The following HOPX variants were observed in gnomAD, a reference collection of about 807,000 sequenced individuals.
The protein encoded by HOPX is HOP homeobox, also known as homeodomain-only protein.
A neutral mutation model predicts 11.8 loss-of-function variants in HOPX; 5 were observed. That is an observed-to-expected ratio of 0.43 (90% CI 0.22 to 0.89). The LOEUF is 0.89. HOPX is among the 40% of genes least tolerant of loss of function. HOPX has a pLI of 0.28. For missense variants in HOPX, 119 were observed against 120.0 expected (o/e 0.99, Z 0.04); for synonymous variants, 49 against 49.7 (o/e 0.99, Z 0.06).
intron 1 of HOPX, chr4:56,659,545 GGAGAGAGA>G (rs375400105): frequency 7.3e-5 from 11 of 149,736 alleles, no homozygotes; most frequent in Admixed American, 7.3e-4. Context: ...AGAGCTGGAA[GGAGAGAGA>G]GAGAGAGAGA....
At chr4:56,654,936 G>A (rs922048031) in intron 3 of HOPX, among the ~76,000 whole-genome samples, 1 of 152,168 alleles carries the variant, frequency 6.6e-6, no homozygotes, top group Non-Finnish European at 1.5e-5. Context: ...TCATGCAAAA[G>A]GATTGTCTTT....
At chr4:56,656,969 C>T (rs541755290) in intron 2 of HOPX, among the ~76,000 whole-genome samples, 10 of 152,108 alleles carry the variant, frequency 6.6e-5, no homozygotes, top group Non-Finnish European at 1.5e-4. Context: ...TCAGACTTCC[C>T]TGTGATTGTA....
rs1560364059 is a variant in HOPX at position 56,655,902 on chromosome 4, C to T, written c.153G>A (p.Leu51=). ...GGCCTGCCTCGGCCGCGATGAGGCACAGCGTGGTGGAATCCGGGTGCTTGT... is the reference window on the plus strand; with the variant it reads ...GGCCTGCCTCGGCCGCGATGAGGCATAGCGTGGTGGAATCCGGGTGCTTGT... ...KVDKHPDSTT[L]CLIAAEAGLS... is the part of the protein sequence containing the mutation. Residue 51 remains leucine, a synonymous_variant, in exon 3 of 4, where the codon CTG becomes CTA. Transcript: ENST00000420433. 1 of 1,612,020 alleles carries T rather than the reference C, an allele frequency of 6.2e-7. No homozygotes were observed. Among genetic ancestry groups the T allele is most frequent in the Admixed American group, 1.7e-5 (1 of 59,856 alleles).
intron 1 of HOPX, among the ~76,000 whole-genome samples, chr4:56,658,791 ATTG>A (rs1717934653): frequency 6.6e-6 from 1 of 152,224 alleles, no homozygotes; most frequent in Non-Finnish European, 1.5e-5. Context: ...CACAAGTTTT[ATTG>A]TTGTGGCTAT....
chr4:56,661,515 A>G (rs1425776532), intron 1 of HOPX, among the ~76,000 whole-genome samples: 1 of 152,184 alleles, frequency 6.6e-6, no homozygotes, highest in African/African-American at 2.4e-5. Flanking sequence ...TTAGCTTTAC[A>G]ATATAACGTC....
chr4:56,655,847 G>A lies in HOPX; in HGVS notation c.198+10C>T, dbSNP rs1252113582. ...GGGTCGGGGCGCGCTGGGCGCGTGT[G>A]GGGACGCACCTGGGTCTCCTCCTCG... On this transcript the variant is annotated intron_variant, in intron 3 of 3. Coordinates refer to ENST00000420433, the MANE Select transcript of HOPX (RefSeq NM_032495.6). 3.1e-6 allele frequency: 5 copies of A among 1,609,482 alleles called. No individual in the cohort carries two copies. The highest frequency in any genetic ancestry group is 4.2e-6 in the Non-Finnish European group (5 of 1,178,134).
intron 1 of HOPX, among the ~76,000 whole-genome samples, chr4:56,666,610 T>A (rs1718454790): frequency 6.6e-6 from 1 of 152,212 alleles, no homozygotes; most frequent in African/African-American, 2.4e-5. Context: ...GGGGAAACAG[T>A]GAAAGATGCT....
chr4:56,676,701 C>G (rs1175960932), intron 1 of HOPX: 1 of 151,762 alleles, frequency 6.6e-6, no homozygotes, highest in African/African-American at 2.4e-5. Context: ...CCCAGGGACT[C>G]AAGATGGAGC....
chr4:56,655,617 T>C (rs1372004691), intron 3 of HOPX, among the ~76,000 whole-genome samples: 1 of 151,796 alleles, frequency 6.6e-6, no homozygotes, highest in Non-Finnish European at 1.5e-5. Flanking sequence ...TCTGCGCAGC[T>C]CCCGGGGAAC....
At chr4:56,678,602 T>A (rs1277512213) in intron 1 of HOPX, among the ~76,000 whole-genome samples, 1 of 151,786 alleles carries the variant, frequency 6.6e-6, no homozygotes, top group African/African-American at 2.4e-5. Context: ...CTCACCACAA[T>A]GCCCAGAATA....
chr4:56,660,993 C>T (rs1718085458), intron 1 of HOPX, among the ~76,000 whole-genome samples: 1 of 152,056 alleles, frequency 6.6e-6, no homozygotes, highest in Non-Finnish European at 1.5e-5. Flanking sequence ...TCGCTGTCAC[C>T]CTCAGGTTGG....
chr4:56,663,461 A>G (rs910211224), intron 1 of HOPX: 3 of 152,038 alleles, frequency 2.0e-5, no homozygotes, highest in Admixed American at 2.0e-4. Context: ...GCCTTTTGAA[A>G]TTTTTCAGTT....
chr4:56,666,922 A>G (rs1718470392), intron 1 of HOPX, among the ~76,000 whole-genome samples: 1 of 152,254 alleles, frequency 6.6e-6, no homozygotes. Context: ...GGAAAAAAGT[A>G]TAAAATAATC....
intron 1 of HOPX, among the ~76,000 whole-genome samples, chr4:56,677,835 T>C (rs1427375479): frequency 3.3e-5 from 5 of 151,668 alleles, no homozygotes; most frequent in African/African-American, 9.8e-5. Context: ...GACTGCCAGA[T>C]AGACTCATCC....
intron 2 of HOPX, 56 bp downstream of exon 2, chr4:56,657,719 C>A: frequency 1.3e-6 from 1 of 756,028 alleles, no homozygotes; most frequent in South Asian, 1.5e-5. Context: ...TGTGTGCACC[C>A]ATTGCCCGTA....
At chr4:56,658,019 C>T in intron 1 of HOPX, 120 bp from the exon 2 acceptor site, 1 of 760,464 alleles carries the variant, frequency 1.3e-6, no homozygotes, top group Non-Finnish European at 2.0e-6. Flanking sequence ...CCACGGGAAC[C>T]ACCCACCACT....
At chr4:56,666,238 A>T (rs1410856136) in intron 1 of HOPX, among the ~76,000 whole-genome samples, 1 of 152,248 alleles carries the variant, frequency 6.6e-6, no homozygotes, top group Non-Finnish European at 1.5e-5. Flanking sequence ...TATGTGAGTA[A>T]TATAGAATAC....
chr4:56,666,686 A>G (rs983664992), intron 1 of HOPX, among the ~76,000 whole-genome samples: 3 of 152,240 alleles, frequency 2.0e-5, no homozygotes, highest in Non-Finnish European at 4.4e-5. Context: ...CTACTTTCAT[A>G]GAAATAAATG....
At position 56,657,811 on chromosome 4, in the gene HOPX, G is replaced by A. The variant is rs2109491323; in HGVS notation, c.6C>T (p.Leu2=). M[L]IFLGCYRRRL... ...TTCTTCTGTAACAGCCCAGGAAAAT[G>A]AGCATAGGAAGACTAACTTTCTGAA... is the stretch of plus-strand genomic sequence containing the variant. Residue 2 remains leucine, a synonymous_variant, in exon 2 of 4, where the codon CTC becomes CTT. Coordinates refer to ENST00000420433, the MANE Select transcript of HOPX (RefSeq NM_032495.6). The A allele has an allele frequency of 7.0e-7, 1 of 1,432,518 alleles. No individual in the cohort carries two copies. The highest frequency in any genetic ancestry group is 2.5e-5 in the East Asian group (1 of 40,390). 88.7% of individuals were successfully genotyped at this position (1,432,518 alleles called of 1,614,324 possible).
Sources: gnomAD v4.1 joint callset for allele counts (sites outside exome capture counted in the v4.1 genomes callset) on GRCh38, gnomAD v4.1.1 for gene constraint, MANE v1.5 for transcripts, NCBI Gene and HGNC (gene_info 2026-07-23, HGNC 2026-07-21) for gene names.